Variants in FOXO3 observed in about 807,000 individuals in gnomAD.
The protein encoded by FOXO3 is forkhead box O3, also known as forkhead box protein O3.
FOXO3 carries 4 observed loss-of-function variants against 41.9 expected under a neutral mutation model. The ratio of observed to expected loss-of-function variants is 0.10; its 90% confidence interval spans 0.05 to 0.22. FOXO3 has a LOEUF of 0.22. Among genes scored for constraint, FOXO3 ranks in the 10% least tolerant of loss-of-function variants. The pLI is 1.00. For synonymous variants in FOXO3, 318 were observed against 389.3 expected (o/e 0.82, Z 2.16); for missense variants, 534 against 906.8 (o/e 0.59, Z 5.28).
At chr6:108,592,654 A>G (rs1205376701) in intron 1 of FOXO3, among the ~76,000 whole-genome samples, 1 of 152,182 alleles carries the variant, frequency 6.6e-6, no homozygotes, top group African/African-American at 2.4e-5. Flanking sequence ...GTGTGTGGGA[A>G]GAGGCTGGGT....
chr6:108,614,028 T>A (rs921966090), intron 1 of FOXO3, among the ~76,000 whole-genome samples: 2 of 152,186 alleles, frequency 1.3e-5, no homozygotes, highest in African/African-American at 4.8e-5. Context: ...TTTCTGGATA[T>A]TTTTCTATTA....
intron 1 of FOXO3, among the ~76,000 whole-genome samples, chr6:108,586,271 A>T (rs1230210727): frequency 6.6e-6 from 1 of 152,214 alleles, no homozygotes; most frequent in African/African-American, 2.4e-5. Context: ...GGGACATAAG[A>T]TTAGCTTCCA....
In FOXO3 at chr6:108,680,681, A is replaced by T. The variant is rs1770809985; in HGVS notation, c.*889A>T. 1.3e-5 allele frequency: 2 copies of T among 152,524 alleles called. No individual in the cohort carries two copies. The highest frequency in any genetic ancestry group is 2.4e-5 in the African/African-American group (1 of 41,416). The allele number at this position is 152,524 out of a possible 1,614,324, so 9.4% of individuals were successfully genotyped here. On this transcript the variant is annotated 3_prime_UTR_variant, in exon 3 of 3. Transcript: ENST00000406360. ...ACTAGAATATTGATATTTTCAGGAA[A>T]GAAATCAGCTCAGCTCTCCACTCAT...
At chr6:108,585,286 A>G (rs948696761) in intron 1 of FOXO3, among the ~76,000 whole-genome samples, 1 of 148,342 alleles carries the variant, frequency 6.7e-6, no homozygotes, top group East Asian at 2.0e-4. Context: ...CTCGTGATCC[A>G]CCCGCCTCGG....
At chr6:108,586,508 G>C (rs570038913) in intron 1 of FOXO3, among the ~76,000 whole-genome samples, 6 of 152,030 alleles carry the variant, frequency 3.9e-5, no homozygotes, top group Admixed American at 6.6e-5. Context: ...TTTTTTTGAC[G>C]TAACATGAGC....
intron 1 of FOXO3, among the ~76,000 whole-genome samples, chr6:108,616,975 A>G (rs1275969778): frequency 2.0e-5 from 3 of 152,146 alleles, no homozygotes; most frequent in Non-Finnish European, 4.4e-5. Flanking sequence ...ATTTCTTTTT[A>G]TTGCTAAATA....
chr6:108,621,025 T>C (rs982422590), intron 1 of FOXO3, among the ~76,000 whole-genome samples: 18 of 152,238 alleles, frequency 1.2e-4, no homozygotes, highest in African/African-American at 4.3e-4. Context: ...ATTTTGAGGA[T>C]AATTAGTATT....
chr6:108,596,167 A>G (rs1162401355), intron 1 of FOXO3, among the ~76,000 whole-genome samples: 2 of 151,982 alleles, frequency 1.3e-5, no homozygotes, highest in African/African-American at 4.8e-5. Flanking sequence ...CCATCCTATT[A>G]TCCCTTAGCA....
At chr6:108,588,981 G>A (rs1776661049) in intron 1 of FOXO3, among the ~76,000 whole-genome samples, 1 of 152,206 alleles carries the variant, frequency 6.6e-6, no homozygotes, top group South Asian at 2.1e-4. Context: ...GTAAGCATGG[G>A]TTCTGCAGTA....
intron 1 of FOXO3, among the ~76,000 whole-genome samples, chr6:108,601,594 G>A (rs1440935492): frequency 1.3e-5 from 2 of 152,216 alleles, no homozygotes; most frequent in African/African-American, 4.8e-5. Context: ...GTGAGCCACC[G>A]CACCCAGCCC....
chr6:108,604,768 T>A (rs1777147091), intron 1 of FOXO3, among the ~76,000 whole-genome samples: 1 of 152,138 alleles, frequency 6.6e-6, no homozygotes, highest in Admixed American at 6.5e-5. Flanking sequence ...GACCCTTTTT[T>A]AAGTATTTGA....
chr6:108,662,907 A>G (rs1021996523), intron 1 of FOXO3, among the ~76,000 whole-genome samples: 2 of 152,230 alleles, frequency 1.3e-5, no homozygotes, highest in African/African-American at 2.4e-5. Context: ...AACTACTATC[A>G]GTGAGCTTAT....
chr6:108,566,587 ACTGTTTAGGC>A, intron 1 of FOXO3, among the ~76,000 whole-genome samples: 1 of 152,070 alleles, frequency 6.6e-6, no homozygotes, highest in South Asian at 2.1e-4. Context: ...TTTTTTAAAG[ACTGTTTAGGC>A]CTGTGCATTC....
intron 1 of FOXO3, among the ~76,000 whole-genome samples, chr6:108,572,640 G>A (rs887800709): frequency 1.3e-5 from 2 of 152,126 alleles, no homozygotes; most frequent in Non-Finnish European, 2.9e-5. Context: ...TATTTTTGGG[G>A]AGGGGTGTCA....
At chr6:108,621,694 C>G (rs1292486558) in intron 1 of FOXO3, among the ~76,000 whole-genome samples, 2 of 152,086 alleles carry the variant, frequency 1.3e-5, no homozygotes, top group Non-Finnish European at 2.9e-5. Flanking sequence ...AGAAACCTAC[C>G]TGAAGCCTCA....
rs113440943 is a variant in FOXO3, at chr6:108,644,619, T to C, written c.622-18836T>C. On this transcript the variant is annotated intron_variant, in intron 1 of 2. Coordinates refer to ENST00000406360, the MANE Select transcript of FOXO3 (RefSeq NM_001455.4). ...TCTGATCCCTGTTCTCTACCTGCCC[T>C]CATGTTGCATGACTCCCATGAGAAA... is the stretch of plus-strand genomic sequence containing the variant. 2.9e-3 allele frequency among the ~76,000 whole-genome samples: 446 copies of C among 152,264 alleles called. 1 individual carries two copies. The highest frequency in any genetic ancestry group is 8.1e-3 in the South Asian group (39 of 4,828).
intron 1 of FOXO3, among the ~76,000 whole-genome samples, chr6:108,609,594 T>C (rs1344873652): frequency 6.6e-6 from 1 of 152,246 alleles, no homozygotes; most frequent in Non-Finnish European, 1.5e-5. Context: ...GCAGGAAGAC[T>C]GAGCATCAGA....
At chr6:108,610,552 A>G (rs1777332128) in intron 1 of FOXO3, among the ~76,000 whole-genome samples, 1 of 152,118 alleles carries the variant, frequency 6.6e-6, no homozygotes. Context: ...TTTTTAAGAG[A>G]GAGAACGCAT....
chr6:108,573,719 C>G (rs1278580548), intron 1 of FOXO3, among the ~76,000 whole-genome samples: 1 of 151,922 alleles, frequency 6.6e-6, no homozygotes, highest in Non-Finnish European at 1.5e-5. Flanking sequence ...ATCCCAGCTA[C>G]TCAGGAGGCT....
Sources: gnomAD v4.1 joint callset for allele counts (sites outside exome capture counted in the v4.1 genomes callset) on GRCh38, gnomAD v4.1.1 for gene constraint, MANE v1.5 for transcripts, NCBI Gene and HGNC (gene_info 2026-07-23, HGNC 2026-07-21) for gene names.